CAST: variants seen among roughly 807,000 people sequenced by gnomAD.
The protein encoded by CAST is calpastatin.
A neutral mutation model predicts 119.6 loss-of-function variants in CAST; 76 were observed. The observed-to-expected ratio is 0.64, with a 90% CI of 0.53 to 0.77. The LOEUF is 0.77. Ranked by LOEUF, CAST falls within the 30% of genes least tolerant of loss-of-function variation. The pLI, the probability that CAST is intolerant of heterozygous loss-of-function variation, is 0.00. For missense variants in CAST, 953 were observed against 946.5 expected (o/e 1.01, Z -0.09); for synonymous variants, 319 against 331.6 (o/e 0.96, Z 0.41).
chr5:95,999,512 G>A, the CAST span, among the ~76,000 whole-genome samples: 3 of 151,910 alleles, frequency 2.0e-5, no homozygotes, highest in Non-Finnish European at 4.4e-5. Flanking sequence ...ACTACACCTC[G>A]CTAATTTATT....
chr5:96,503,735 G>A, the CAST span, among the ~76,000 whole-genome samples: 4 of 152,152 alleles, frequency 2.6e-5, no homozygotes, highest in African/African-American at 4.8e-5. Context: ...AAGCCCAAGC[G>A]CAGCAGCCCA....
chr5:96,444,442 G>T, the CAST span, among the ~76,000 whole-genome samples: 17 of 152,292 alleles, frequency 1.1e-4, no homozygotes, highest in East Asian at 9.6e-4. Context: ...ATCTCAAGCT[G>T]TACAATCTGC....
At chr5:96,699,666 G>A (rs1299480910) in intron 3 of CAST, among the ~76,000 whole-genome samples, 1 of 152,132 alleles carries the variant, frequency 6.6e-6, no homozygotes, top group Non-Finnish European at 1.5e-5. Context: ...CATCTGATTG[G>A]CCAGTGTAAA....
chr5:96,488,455 T>C, the CAST span, among the ~76,000 whole-genome samples: 48 of 152,350 alleles, frequency 3.2e-4, no homozygotes, highest in African/African-American at 1.2e-3. Context: ...ATATTTTCAA[T>C]GTCAAAAAAT....
chr5:96,534,904 G>T (rs1745775900), intron 1 of CAST, among the ~76,000 whole-genome samples: 1 of 146,288 alleles, frequency 6.8e-6, no homozygotes, highest in Non-Finnish European at 1.5e-5. Context: ...AGGAAAGAAG[G>T]AAGGAAAGAA....
the CAST span, chr5:96,210,196 A>C: frequency 4.6e-5 from 7 of 152,002 alleles, no homozygotes; most frequent in Admixed American, 4.6e-4. Flanking sequence ...GTATCATTCC[A>C]GTTTTAGTAT....
chr5:96,296,438 T>C, the CAST span, among the ~76,000 whole-genome samples: 4 of 152,230 alleles, frequency 2.6e-5, no homozygotes, highest in African/African-American at 9.6e-5. Flanking sequence ...TCAGCTTATA[T>C]GTATTAAATT....
At chr5:96,286,061 C>T in the CAST span, among the ~76,000 whole-genome samples, 1 of 152,196 alleles carries the variant, frequency 6.6e-6, no homozygotes, top group South Asian at 2.1e-4. Flanking sequence ...AGAGCAGTCT[C>T]ACCTAAGAGG....
At chr5:96,729,089 C>G (rs1759925186) in intron 6 of CAST, 64 bp from the exon 7 acceptor site, 1 of 1,021,734 alleles carries the variant, frequency 9.8e-7, no homozygotes, top group Non-Finnish European at 1.5e-6. Context: ...TGTTCTTGTT[C>G]TTGTTTGAAA....
chr5:96,500,858 G>C, the CAST span, among the ~76,000 whole-genome samples: 2 of 152,200 alleles, frequency 1.3e-5, no homozygotes, highest in Non-Finnish European at 2.9e-5. Context: ...CATGGAAATA[G>C]ATGATGGAAA....
chr5:95,993,094 T>C, the CAST span, among the ~76,000 whole-genome samples: 1 of 152,142 alleles, frequency 6.6e-6, no homozygotes, highest in Non-Finnish European at 1.5e-5. Context: ...TGCAACACAA[T>C]AGAGAGCTCA....
chr5:96,352,089 A>G, the CAST span, among the ~76,000 whole-genome samples: 87 of 152,232 alleles, frequency 5.7e-4, no homozygotes, highest in African/African-American at 2.0e-3. Context: ...ATCTGCCCAT[A>G]CTGTGATGGC....
intron 1 of CAST, among the ~76,000 whole-genome samples, chr5:96,607,427 A>G (rs986068811): frequency 6.6e-6 from 1 of 152,228 alleles, no homozygotes; most frequent in Non-Finnish European, 1.5e-5. Flanking sequence ...TAATTCTTGT[A>G]TTCTTGCCCA....
chr5:96,260,045 C>G, the CAST span, among the ~76,000 whole-genome samples: 1 of 151,832 alleles, frequency 6.6e-6, no homozygotes, highest in African/African-American at 2.4e-5. Flanking sequence ...TTCCATACGC[C>G]AGAGGAGCAG....
chr5:96,596,910 G>A (rs953946815), intron 1 of CAST, among the ~76,000 whole-genome samples: 1 of 152,210 alleles, frequency 6.6e-6, no homozygotes, highest in East Asian at 1.9e-4. Flanking sequence ...CTCTGAGCAT[G>A]TGAGGAGAGA....
chr5:96,405,784 T>C, the CAST span, among the ~76,000 whole-genome samples: 3 of 152,224 alleles, frequency 2.0e-5, no homozygotes, highest in African/African-American at 7.2e-5. Context: ...CAATTTCAGC[T>C]CTTACATAAA....
chr5:96,425,062 AAGAAAG>A, the CAST span, among the ~76,000 whole-genome samples: 1 of 142,436 alleles, frequency 7.0e-6, no homozygotes, highest in Admixed American at 6.9e-5. Context: ...GAAAGAAAGA[AAGAAAG>A]AAAGAAAACG....
At chr5:96,623,260 T>C (rs1482751311) in intron 1 of CAST, among the ~76,000 whole-genome samples, 3 of 143,786 alleles carry the variant, frequency 2.1e-5, no homozygotes, top group Non-Finnish European at 2.9e-5. Context: ...AATAATGGCA[T>C]TTTTTTTTCC....
chr5:96,216,663 G>A, the CAST span, among the ~76,000 whole-genome samples: 2 of 152,146 alleles, frequency 1.3e-5, no homozygotes, highest in African/African-American at 4.8e-5. Context: ...AAATCAGGAA[G>A]TCTTCAAGAT....
Sources: allele counts gnomAD v4.1 joint callset (sites outside exome capture counted in the v4.1 genomes callset), GRCh38; gene constraint gnomAD v4.1.1; transcripts MANE v1.5; gene names NCBI Gene and HGNC (gene_info 2026-07-23, HGNC 2026-07-21).